Variants in GABRG3 observed in about 807,000 individuals in gnomAD.
The protein encoded by GABRG3 is gamma-aminobutyric acid type A receptor subunit gamma3.
A neutral mutation model predicts 48.8 loss-of-function variants in GABRG3; 25 were observed. The observed-to-expected ratio is 0.51, with a 90% CI of 0.37 to 0.72. The LOEUF (loss-of-function observed/expected upper bound fraction) is 0.72, where lower values mean the gene tolerates loss of function less well. GABRG3 is among the 30% of genes least tolerant of loss of function. GABRG3 has a pLI of 0.00. For missense variants in GABRG3, 394 were observed against 577.9 expected (o/e 0.68, Z 3.26); for synonymous variants, 227 against 217.6 (o/e 1.04, Z -0.38).
intron 3 of GABRG3, among the ~76,000 whole-genome samples, chr15:27,148,562 A>G (rs1898252336): frequency 6.6e-6 from 1 of 151,976 alleles, no homozygotes; most frequent in South Asian, 2.1e-4. Context: ...CTACAAATCA[A>G]CACCTCATAC....
At chr15:27,405,690 A>G (rs892131239) in intron 5 of GABRG3, among the ~76,000 whole-genome samples, 1 of 151,962 alleles carries the variant, frequency 6.6e-6, no homozygotes, top group Admixed American at 6.5e-5. Context: ...ATAATGGTTG[A>G]TTTTTTTCTG....
chr15:27,396,677 T>G (rs1394761092), intron 5 of GABRG3, among the ~76,000 whole-genome samples: 1 of 152,220 alleles, frequency 6.6e-6, no homozygotes, highest in Non-Finnish European at 1.5e-5. Context: ...CACAGACTTG[T>G]ACATAAAAAG....
At chr15:27,176,077 T>C (rs1887736690) in intron 3 of GABRG3, among the ~76,000 whole-genome samples, 1 of 152,036 alleles carries the variant, frequency 6.6e-6, no homozygotes, top group African/African-American at 2.4e-5. Context: ...AAATGCATTC[T>C]ATAGCTCACA....
intron 4 of GABRG3, among the ~76,000 whole-genome samples, chr15:27,328,127 AC>A (rs1254237316): frequency 8.0e-6 from 1 of 124,504 alleles, no homozygotes; most frequent in African/African-American, 4.8e-5. Context: ...AAAAAAAAAA[AC>A]CAAAAAAAAA....
At chr15:27,234,127 C>A (rs1009488883) in intron 3 of GABRG3, among the ~76,000 whole-genome samples, 1 of 152,076 alleles carries the variant, frequency 6.6e-6, no homozygotes, top group African/African-American at 2.4e-5. Flanking sequence ...AAAAGGAAAC[C>A]AAAAATCATT....
chr15:27,101,823 G>A (rs1439796327), intron 3 of GABRG3, among the ~76,000 whole-genome samples: 1 of 93,398 alleles, frequency 1.1e-5, no homozygotes, highest in Admixed American at 1.3e-4. Flanking sequence ...TACACTAACA[G>A]TAACGATAGC....
intron 5 of GABRG3, among the ~76,000 whole-genome samples, chr15:27,451,353 G>A (rs1050789546): frequency 6.6e-6 from 1 of 151,962 alleles, no homozygotes; most frequent in African/African-American, 2.4e-5. Flanking sequence ...CAAACCAATG[G>A]AACAGAATAG....
intron 3 of GABRG3, among the ~76,000 whole-genome samples, chr15:27,265,092 C>T (rs1004685130): frequency 8.5e-5 from 13 of 152,112 alleles, no homozygotes; most frequent in African/African-American, 3.1e-4. Context: ...ATCCTTTAAA[C>T]CACCCCATAC....
chr15:27,413,626 A>G (rs1390739455), intron 5 of GABRG3, among the ~76,000 whole-genome samples: 7 of 152,104 alleles, frequency 4.6e-5, no homozygotes, highest in Non-Finnish European at 1.0e-4. Flanking sequence ...TTAAAACTGC[A>G]TTCAGATCAG....
chr15:27,169,470 G>A (rs1887490716), intron 3 of GABRG3, among the ~76,000 whole-genome samples: 1 of 152,152 alleles, frequency 6.6e-6, no homozygotes, highest in Non-Finnish European at 1.5e-5. Context: ...GGAAAGGTAG[G>A]TTAGGGATAG....
rs573314503 is a variant in GABRG3, at chr15:27,389,575, C to G, written c.574+60687C>G. Among the ~76,000 whole-genome samples, 5 of 152,310 alleles carry G rather than the reference C, an allele frequency of 3.3e-5. No individual in the cohort carries two copies. The East Asian group carries it at 9.7e-4, about 29-fold the overall frequency. ...TTCACTGCCAACACATCATCATTCA[C>G]TATACATGCCTGATGTTTTCAGGTA... On this transcript the variant is annotated intron_variant, in intron 5 of 9. Transcript: ENST00000615808.
chr15:27,254,093 G>A (rs548461933), intron 3 of GABRG3, among the ~76,000 whole-genome samples: 3 of 152,308 alleles, frequency 2.0e-5, no homozygotes, highest in Admixed American at 1.3e-4. Context: ...TGGAGAACTT[G>A]TTTTTCTGTA....
chr15:27,166,730 T>A (rs985694323), intron 3 of GABRG3, among the ~76,000 whole-genome samples: 1 of 152,174 alleles, frequency 6.6e-6, no homozygotes, highest in African/African-American at 2.4e-5. Flanking sequence ...CTCCACTTAT[T>A]ATTACAAATA....
intron 3 of GABRG3, among the ~76,000 whole-genome samples, chr15:27,173,025 CTCATTCATCTGTGAATGCACTT>C (rs1887624547): frequency 2.0e-5 from 3 of 152,326 alleles, no homozygotes; most frequent in Admixed American, 2.0e-4. Flanking sequence ...CTGAATTCCA[CTCATTCATCTGTGAATGCACTT>C]AAACAAACAT....
At chr15:27,208,929 A>G (rs1595586729) in intron 3 of GABRG3, among the ~76,000 whole-genome samples, 2 of 152,200 alleles carry the variant, frequency 1.3e-5, no homozygotes, top group Non-Finnish European at 2.9e-5. Flanking sequence ...ATAATTTCAC[A>G]TTTGTATACA....
chr15:27,409,061 ATCTTTTTATCCTAATAC>A (rs1887721018), intron 5 of GABRG3, among the ~76,000 whole-genome samples: 1 of 151,928 alleles, frequency 6.6e-6, no homozygotes, highest in Admixed American at 6.6e-5. Flanking sequence ...TCTGTAGCTT[ATCTTTTTATCCTAATAC>A]CAGGGTTTTT....
chr15:27,425,716 A>G (rs1258685810), intron 5 of GABRG3, among the ~76,000 whole-genome samples: 6 of 152,230 alleles, frequency 3.9e-5, no homozygotes, highest in Non-Finnish European at 8.8e-5. Context: ...AAGTTGGTGC[A>G]AATAAGGCTT....
At chr15:27,397,732 T>C (rs2140583375) in intron 5 of GABRG3, among the ~76,000 whole-genome samples, 2 of 152,264 alleles carry the variant, frequency 1.3e-5, no homozygotes, top group Middle Eastern at 6.8e-3. Context: ...TGTGCAGGTA[T>C]TTTTCTTGGT....
intron 5 of GABRG3, among the ~76,000 whole-genome samples, chr15:27,392,306 G>C (rs1887156720): frequency 6.6e-6 from 1 of 152,088 alleles, no homozygotes; most frequent in Non-Finnish European, 1.5e-5. Context: ...GTTCTCCCAG[G>C]CTCTGCTTGG....
Sources: gnomAD v4.1 joint callset for allele counts (sites outside exome capture counted in the v4.1 genomes callset) on GRCh38, gnomAD v4.1.1 for gene constraint, MANE v1.5 for transcripts, NCBI Gene and HGNC (gene_info 2026-07-23, HGNC 2026-07-21) for gene names.